GRIK3: variants seen among roughly 807,000 people sequenced by gnomAD.
The protein encoded by GRIK3 is glutamate receptor ionotropic, kainate 3.
A neutral mutation model predicts 102.5 loss-of-function variants in GRIK3; 29 were observed. That is an observed-to-expected ratio of 0.28 (90% CI 0.21 to 0.39). The LOEUF (loss-of-function observed/expected upper bound fraction) is 0.39. GRIK3 is among the 10% of genes least tolerant of loss of function. The probability of loss-of-function intolerance (pLI) is 1.00; values close to 1 mark genes in which losing one functional copy is unlikely to be tolerated. For synonymous variants in GRIK3, 511 were observed against 504.9 expected, an observed-to-expected ratio of 1.01 and a Z score of -0.16; for missense variants, 908 against 1,252.4, an observed-to-expected ratio of 0.73 and a Z score of 4.15.
chr1:36,881,845 CT>C (rs1042075868), intron 2 of GRIK3, among the ~76,000 whole-genome samples: 39 of 152,292 alleles, frequency 2.6e-4, no homozygotes, highest in African/African-American at 9.4e-4. Flanking sequence ...ACTTTTCTGA[CT>C]TCGTCTCCCA....
In GRIK3 at chr1:36,819,459, G is replaced by A. The variant is rs1336067353; in HGVS notation, c.1873+277C>T. Among the ~76,000 whole-genome samples, 1 of 152,242 alleles carries A rather than the reference G, an allele frequency of 6.6e-6. No homozygotes were observed. Among genetic ancestry groups the A allele is most frequent in the African/African-American group, 2.4e-5 (1 of 41,462 alleles). On this transcript the variant is annotated intron_variant, in intron 12 of 15. Transcript: ENST00000373091. The surrounding 1 kb of genome is among the most constrained non-coding windows in gnomAD (Gnocchi z 4.1). ...AGGGTGCTCTATGTCCACCTCAGCT[G>A]GAGCAGGAGGTGGGGGATGCGTCCC...
chr1:36,817,857 T>C (rs1642648570), intron 12 of GRIK3, among the ~76,000 whole-genome samples: 1 of 152,146 alleles, frequency 6.6e-6, no homozygotes, highest in South Asian at 2.1e-4. Flanking sequence ...AGAAATTGCA[T>C]TGGAAATACA....
intron 9 of GRIK3, among the ~76,000 whole-genome samples, chr1:36,846,114 G>A (rs1410964859): frequency 1.3e-5 from 2 of 152,212 alleles, no homozygotes; most frequent in Non-Finnish European, 2.9e-5. Context: ...TTTTCTCAGT[G>A]TGTGAGCTGA....
At chr1:36,930,916 C>T (rs573865930) in intron 1 of GRIK3, among the ~76,000 whole-genome samples, 2 of 152,320 alleles carry the variant, frequency 1.3e-5, no homozygotes, top group African/African-American at 2.4e-5. Flanking sequence ...GAACTAGCTA[C>T]GCTTTTAGGT....
At chr1:36,852,244 G>A (rs1379239206) in intron 8 of GRIK3, among the ~76,000 whole-genome samples, 1 of 152,200 alleles carries the variant, frequency 6.6e-6, no homozygotes, top group Admixed American at 6.5e-5. Context: ...CCCTTGCACA[G>A]TGGCTCCCAT....
intron 1 of GRIK3, among the ~76,000 whole-genome samples, chr1:37,024,112 A>T (rs1275939949): frequency 2.0e-5 from 3 of 152,230 alleles, no homozygotes; most frequent in Admixed American, 1.3e-4. Context: ...AAAGCCTGAA[A>T]CAATCTGGGG....
intron 15 of GRIK3, among the ~76,000 whole-genome samples, chr1:36,803,491 C>T (rs1419889231): frequency 3.9e-5 from 6 of 152,094 alleles, no homozygotes; most frequent in Non-Finnish European, 5.9e-5. Flanking sequence ...AGTGCAGTGG[C>T]GTGACCTTGG....
intron 1 of GRIK3, among the ~76,000 whole-genome samples, chr1:36,894,610 G>C (rs1418962353): frequency 3.3e-5 from 5 of 152,198 alleles, no homozygotes; most frequent in African/African-American, 1.2e-4. Flanking sequence ...GAATTGGAGA[G>C]ATAGGTAAAT....
intron 10 of GRIK3, among the ~76,000 whole-genome samples, chr1:36,831,375 C>T (rs1160033503): frequency 6.6e-6 from 1 of 152,216 alleles, no homozygotes; most frequent in Non-Finnish European, 1.5e-5. Flanking sequence ...TCCACAGCTG[C>T]CTAAGTAAAC....
chr1:37,004,411 T>A (rs1642510189), intron 1 of GRIK3, among the ~76,000 whole-genome samples: 2 of 152,194 alleles, frequency 1.3e-5, no homozygotes, highest in Admixed American at 1.3e-4. Flanking sequence ...GAGAGCTAAG[T>A]GACCCCAGAA....
chr1:36,948,453 G>T (rs958883285), intron 1 of GRIK3, among the ~76,000 whole-genome samples: 4 of 152,158 alleles, frequency 2.6e-5, no homozygotes, highest in Admixed American at 2.6e-4. Flanking sequence ...GAACCTATGT[G>T]CCTGGCTTCC....
At chr1:36,918,493 G>A (rs1411562810) in intron 1 of GRIK3, among the ~76,000 whole-genome samples, 1 of 152,110 alleles carries the variant, frequency 6.6e-6, no homozygotes, top group East Asian at 1.9e-4. Context: ...CGTGCATCAG[G>A]TAGTGTGCCA....
chr1:36,897,518 A>G (rs1641184835), intron 1 of GRIK3, among the ~76,000 whole-genome samples: 2 of 152,328 alleles, frequency 1.3e-5, no homozygotes, highest in South Asian at 4.1e-4. Context: ...GAAGACATAC[A>G]AATGGCAAGC....
intron 1 of GRIK3, among the ~76,000 whole-genome samples, chr1:36,985,349 C>A (rs1642293015): frequency 6.6e-6 from 1 of 152,178 alleles, no homozygotes; most frequent in Admixed American, 6.5e-5. Flanking sequence ...AAAGCCTGGT[C>A]TTTCCCTGTA....
At chr1:37,024,466 T>G (rs1327770567) in intron 1 of GRIK3, among the ~76,000 whole-genome samples, 1 of 149,602 alleles carries the variant, frequency 6.7e-6, no homozygotes, top group Non-Finnish European at 1.5e-5. Flanking sequence ...ATTATTATTA[T>G]TATTATTATT....
chr1:36,998,428 C>T (rs1642441781), intron 1 of GRIK3, among the ~76,000 whole-genome samples: 1 of 152,204 alleles, frequency 6.6e-6, no homozygotes, highest in African/African-American at 2.4e-5. Context: ...CAAGAGACAG[C>T]CCATGTCTAG....
intron 5 of GRIK3, among the ~76,000 whole-genome samples, chr1:36,866,934 T>G (rs1557707652): frequency 6.6e-6 from 1 of 152,210 alleles, no homozygotes; most frequent in East Asian, 1.9e-4. Flanking sequence ...ATGTGGGTGC[T>G]GGGGACAGAG....
At chr1:36,805,309 C>T in intron 14 of GRIK3, 72 bp from the exon 15 acceptor site, 2 of 1,493,038 alleles carry the variant, frequency 1.3e-6, no homozygotes, top group Non-Finnish European at 9.0e-7. Flanking sequence ...TGCCAACACC[C>T]TGGTCAGGTC....
chr1:36,836,754 G>A (rs1042866266), intron 10 of GRIK3, among the ~76,000 whole-genome samples: 2 of 152,154 alleles, frequency 1.3e-5, no homozygotes, highest in African/African-American at 4.8e-5. Flanking sequence ...TCCATTTCCC[G>A]TGGCCTGCAG....
Sources: gnomAD v4.1 joint callset for allele counts (sites outside exome capture counted in the v4.1 genomes callset) on GRCh38, gnomAD v4.1.1 for gene constraint, Gnocchi (gnomAD v3.1) non-coding constraint, MANE v1.5 for transcripts, NCBI Gene and HGNC (gene_info 2026-07-23, HGNC 2026-07-21) for gene names.